CSMD2: variants seen among roughly 807,000 people sequenced by gnomAD.
The protein encoded by CSMD2 is CUB and sushi domain-containing protein 2.
In CSMD2, 130 loss-of-function variants were observed where a neutral mutation model predicts 398.5. The observed-to-expected ratio is 0.33, with a 90% confidence interval of 0.28 to 0.38. CSMD2 has a LOEUF of 0.38. Among genes scored for constraint, CSMD2 ranks in the 10% least tolerant of loss-of-function variants. The probability of loss-of-function intolerance (pLI) is 1.00; values close to 1 mark genes in which losing one functional copy is unlikely to be tolerated. For synonymous variants in CSMD2, 1,828 were observed against 1,908.5 expected (o/e 0.96, Z 1.10); for missense variants, 3,829 against 4,764.9 (o/e 0.80, Z 5.78).
chr1:33,633,660 G>C lies in CSMD2; in HGVS notation c.5087-125C>G, dbSNP rs1281858619. 1.4e-6 allele frequency: 1 copy of C among 694,348 alleles called. No individual in the cohort carries two copies. The highest frequency in any genetic ancestry group is 2.5e-6 in the Non-Finnish European group (1 of 392,216). The allele number at this position is 694,348 out of a possible 1,614,324, so 43.0% of individuals were successfully genotyped here. ...GGGAAGTTGTTGGTTCCTGGGCTGT[G>C]GCTTGCTGCACTGGTTAGTGCAGTG... On this transcript the variant is annotated intron_variant, in intron 31 of 70. Coordinates refer to ENST00000373381, the MANE Select transcript of CSMD2 (RefSeq NM_001281956.2). The surrounding 1 kb of genome is among the most constrained non-coding windows in gnomAD (Gnocchi z 5.0).
intron 3 of CSMD2, among the ~76,000 whole-genome samples, chr1:33,949,653 A>C (rs1644944094): frequency 6.6e-6 from 1 of 152,178 alleles, no homozygotes; most frequent in Admixed American, 6.5e-5. Context: ...GATGAGGGGA[A>C]GGAATAATTT....
At chr1:33,719,164 C>T (rs1646272831) in intron 19 of CSMD2, among the ~76,000 whole-genome samples, 1 of 152,244 alleles carries the variant, frequency 6.6e-6, no homozygotes, top group Non-Finnish European at 1.5e-5. Flanking sequence ...TGCATGTGCC[C>T]ACGTGCATGC....
chr1:33,995,921 T>C (rs1481425496), intron 3 of CSMD2, among the ~76,000 whole-genome samples: 1 of 152,244 alleles, frequency 6.6e-6, no homozygotes, highest in Non-Finnish European at 1.5e-5. Context: ...GTGCACACCC[T>C]GGTGCTGATG....
At position 34,065,505 on chromosome 1, in the gene CSMD2, G is replaced by A. The variant is rs145047713; in HGVS notation, c.404+23472C>T. 7.9e-5 allele frequency among the ~76,000 whole-genome samples: 12 copies of A among 152,236 alleles called. No individual in the cohort carries two copies. The East Asian group carries it at 1.2e-3, about 15-fold the overall frequency. On this transcript the variant is annotated intron_variant, in intron 2 of 70. Transcript: ENST00000373381. The stretch of plus-strand genomic sequence containing the variant: ...GGTACCACCAGCCCTAAGCAGGGCC[G>A]GCTGCACAGTGCACAGAGCACTGAC...
rs757922103 is a variant in CSMD2, at chr1:33,636,599, A to G, written c.4775-45T>C. 2 of 1,554,364 alleles carry G rather than the reference A, an allele frequency of 1.3e-6. No individual in the cohort carries two copies. Among genetic ancestry groups the G allele is most frequent in the South Asian group, 2.3e-5 (2 of 88,052 alleles). On this transcript the variant is annotated intron_variant, in intron 29 of 70. Coordinates refer to ENST00000373381, the MANE Select transcript of CSMD2 (RefSeq NM_001281956.2). This position sits in a 1 kb window ranked among gnomAD's most constrained non-coding sequence, Gnocchi z 4.8. ...ACACGTGCACACACACAGAGGGCTC[A>G]TGAGGAGGCTATTCTTGGGCTCCAG...
intron 22 of CSMD2, among the ~76,000 whole-genome samples, chr1:33,701,820 A>T (rs1645621992): frequency 6.6e-6 from 1 of 152,240 alleles, no homozygotes; most frequent in African/African-American, 2.4e-5. Flanking sequence ...ATTTTTAATC[A>T]CCGAAACATA....
chr1:34,118,860 G>A (rs948923995), intron 1 of CSMD2, among the ~76,000 whole-genome samples: 12 of 152,150 alleles, frequency 7.9e-5, no homozygotes, highest in Non-Finnish European at 1.5e-4. Flanking sequence ...TTCCCAAAGT[G>A]ATCTTCAGGT....
intron 1 of CSMD2, among the ~76,000 whole-genome samples, chr1:34,094,660 G>A (rs1659063516): frequency 6.6e-6 from 1 of 152,168 alleles, no homozygotes. Context: ...AAGAGACAAA[G>A]AAGGCCATTA....
intron 3 of CSMD2, among the ~76,000 whole-genome samples, chr1:33,951,266 C>G (rs182958223): frequency 1.3e-5 from 2 of 152,366 alleles, no homozygotes; most frequent in East Asian, 1.9e-4. Flanking sequence ...ATTCTGTCAT[C>G]TGTTCAAGAG....
chr1:33,757,140 C>A (rs1395172469), intron 13 of CSMD2, among the ~76,000 whole-genome samples: 2 of 148,614 alleles, frequency 1.3e-5, no homozygotes, highest in African/African-American at 5.0e-5. Flanking sequence ...GGGAACATCA[C>A]AATCTGGGGA....
rs555448544 is a variant in CSMD2, at chr1:34,036,780, A to G, written c.405-4074T>C. Among the ~76,000 whole-genome samples the G allele has an allele frequency of 3.3e-5, 5 of 152,344 alleles. No homozygotes were observed. The South Asian group carries it at 1.0e-3, about 32-fold the overall frequency. The stretch of plus-strand genomic sequence containing the variant: ...TGTGAATCTATTATTATTTCAAAAT[A>G]AAAAGTTTCATGAATACAAATCTAC... On this transcript the variant is annotated intron_variant, in intron 2 of 70. Transcript: ENST00000373381.
chr1:33,897,489 C>T (rs939574631), intron 5 of CSMD2, among the ~76,000 whole-genome samples: 1 of 152,224 alleles, frequency 6.6e-6, no homozygotes, highest in African/African-American at 2.4e-5. Context: ...CTGGGGTAAA[C>T]AAGCTGCTGC....
intron 49 of CSMD2, among the ~76,000 whole-genome samples, chr1:33,575,174 G>A (rs1401794171): frequency 4.6e-5 from 7 of 152,334 alleles, no homozygotes; most frequent in Admixed American, 2.6e-4. Flanking sequence ...GAGGCTTGTG[G>A]TGGAATGAGA....
At chr1:33,618,000 C>T (rs975949945) in intron 37 of CSMD2, among the ~76,000 whole-genome samples, 1 of 108,528 alleles carries the variant, frequency 9.2e-6, no homozygotes, top group African/African-American at 3.5e-5. Context: ...CCTAAGAAGA[C>T]AGATCCTGTG....
chr1:33,586,124 T>TTTAC (rs1307763868), intron 46 of CSMD2, among the ~76,000 whole-genome samples: 50 of 152,336 alleles, frequency 3.3e-4, no homozygotes, highest in African/African-American at 1.0e-3. Context: ...ACACAGCACC[T>TTTAC]TGAGTGCATC....
At chr1:33,757,274 T>G (rs1025314656) in intron 13 of CSMD2, among the ~76,000 whole-genome samples, 1 of 152,090 alleles carries the variant, frequency 6.6e-6, no homozygotes, top group East Asian at 1.9e-4. Flanking sequence ...AACCTGCACA[T>G]TGTGCACATG....
chr1:34,157,784 T>C (rs753766476), intron 1 of CSMD2, among the ~76,000 whole-genome samples: 1 of 152,026 alleles, frequency 6.6e-6, no homozygotes, highest in African/African-American at 2.4e-5. Context: ...AACTTACACC[T>C]TCCTACTTGA....
chr1:33,524,765 C>T (rs1335679363), intron 66 of CSMD2, 117 bp downstream of exon 66: 5 of 1,010,536 alleles, frequency 4.9e-6, no homozygotes, highest in East Asian at 5.2e-5. Flanking sequence ...TCTTCCCTGA[C>T]CACCAGACAA....
chr1:33,593,962 T>C (rs1399071603), intron 44 of CSMD2, among the ~76,000 whole-genome samples: 1 of 152,206 alleles, frequency 6.6e-6, no homozygotes, highest in Non-Finnish European at 1.5e-5. Context: ...AGTCAACAAT[T>C]GGATAATATA....
Sources: gnomAD v4.1 joint callset for allele counts (sites outside exome capture counted in the v4.1 genomes callset) on GRCh38, gnomAD v4.1.1 for gene constraint, Gnocchi (gnomAD v3.1) non-coding constraint, MANE v1.5 for transcripts, NCBI Gene and HGNC (gene_info 2026-07-23, HGNC 2026-07-21) for gene names.